The following HHAT variants were observed in gnomAD, a reference collection of about 807,000 sequenced individuals.
The protein encoded by HHAT is hedgehog acyltransferase.
HHAT carries 47 observed loss-of-function variants against 70.8 expected under a neutral mutation model. The observed-to-expected ratio is 0.66, with a 90% confidence interval of 0.53 to 0.85. HHAT has a LOEUF of 0.85. Among genes scored for constraint, HHAT ranks in the 40% least tolerant of loss-of-function variants. HHAT has a pLI of 0.00. For missense variants in HHAT, 609 were observed against 604.8 expected (o/e 1.01, Z -0.07); for synonymous variants, 228 against 247.6 (o/e 0.92, Z 0.74).
At chr1:210,582,032 A>G (rs1659382434) in intron 9 of HHAT, among the ~76,000 whole-genome samples, 1 of 152,218 alleles carries the variant, frequency 6.6e-6, no homozygotes, top group Non-Finnish European at 1.5e-5. Context: ...CTGTTCAATC[A>G]GTGGAACAGA....
intron 2 of HHAT, among the ~76,000 whole-genome samples, chr1:210,359,696 G>GT (rs2088044982): frequency 6.6e-6 from 1 of 151,946 alleles, no homozygotes; most frequent in South Asian, 2.1e-4. Flanking sequence ...TAGAAACCCC[G>GT]TCTCTACTAA....
At chr1:210,376,858 T>C (rs2090264110) in intron 3 of HHAT, among the ~76,000 whole-genome samples, 1 of 152,150 alleles carries the variant, frequency 6.6e-6, no homozygotes, top group Non-Finnish European at 1.5e-5. Context: ...AGGGTTCCCT[T>C]CTTCTTCCCC....
At position 210,624,300 on chromosome 1, in the gene HHAT, C is replaced by T. The variant is rs143631044; in HGVS notation, c.1390+630C>T. 4.4e-3 allele frequency among the ~76,000 whole-genome samples: 672 copies of T among 152,302 alleles called. 5 individuals carry two copies. The highest frequency in any genetic ancestry group is 0.015 in the African/African-American group (642 of 41,556). ...GATGCAGCCCCTTGACCTTGGACTTCTCAGCTTCCGTAACTGTAAGAAATA... is the reference window on the plus strand; with the variant it reads ...GATGCAGCCCCTTGACCTTGGACTTTTCAGCTTCCGTAACTGTAAGAAATA... On this transcript the variant is annotated intron_variant, in intron 11 of 11. Transcript: ENST00000261458.
chr1:210,613,902 C>G (rs930092590), intron 10 of HHAT, among the ~76,000 whole-genome samples: 4 of 151,348 alleles, frequency 2.6e-5, no homozygotes, highest in Non-Finnish European at 5.9e-5. Flanking sequence ...CACCTGTGGT[C>G]CCAGCTTCTT....
intron 9 of HHAT, among the ~76,000 whole-genome samples, chr1:210,515,653 G>A (rs1000419277): frequency 6.6e-6 from 1 of 151,734 alleles, no homozygotes; most frequent in African/African-American, 2.4e-5. Flanking sequence ...AGCTACTCGG[G>A]AGGCTGAGGC....
At chr1:210,408,968 C>T (rs79812329) in intron 6 of HHAT, among the ~76,000 whole-genome samples, 2 of 152,236 alleles carry the variant, frequency 1.3e-5, no homozygotes, top group East Asian at 3.9e-4. Flanking sequence ...CTCAAGTGAT[C>T]CTCCCACCTC....
chr1:210,569,942 C>CTA (rs1655825111), intron 9 of HHAT, among the ~76,000 whole-genome samples: 2 of 152,176 alleles, frequency 1.3e-5, no homozygotes, highest in Non-Finnish European at 2.9e-5. Flanking sequence ...ATCCCTATGC[C>CTA]TAGCCTATAG....
chr1:210,353,774 C>T (rs1200825887), intron 2 of HHAT, among the ~76,000 whole-genome samples: 1 of 151,968 alleles, frequency 6.6e-6, no homozygotes, highest in Non-Finnish European at 1.5e-5. Flanking sequence ...ATCTTTTCAG[C>T]ATTTGGCTTT....
At position 210,587,993 on chromosome 1, in the gene HHAT, G is replaced by A; in HGVS notation, c.1139G>A (p.Gly380Asp). The stretch of plus-strand genomic sequence containing the variant: ...TTTGCATTTGTGAGCTACTGGCATG[G>A]CGGCTACGACTACCTCTGGTGCTGG... ...MTFAFVSYWH[G>D]GYDYLWCWAA... The change falls in exon 10 of 12, where the codon GGC becomes GAC. Residue 380 changes from glycine (G) to aspartate (D), a missense_variant. Transcript: ENST00000261458. 1 of 1,614,140 alleles carries A rather than the reference G, an allele frequency of 6.2e-7. No individual in the cohort carries two copies. Among genetic ancestry groups the A allele is most frequent in the Non-Finnish European group, 8.5e-7 (1 of 1,180,012 alleles).
At chr1:210,431,126 T>C (rs1026146574) in intron 7 of HHAT, among the ~76,000 whole-genome samples, 4 of 151,908 alleles carry the variant, frequency 2.6e-5, no homozygotes, top group Admixed American at 6.5e-5. Context: ...ATCCAGAGAA[T>C]ATTTAGGTTT....
chr1:210,491,897 G>C (rs1430271014), intron 8 of HHAT, among the ~76,000 whole-genome samples: 1 of 152,076 alleles, frequency 6.6e-6, no homozygotes, highest in African/African-American at 2.4e-5. Context: ...CAAGTAGCTG[G>C]GACTATAGAT....
intron 11 of HHAT, among the ~76,000 whole-genome samples, chr1:210,633,379 T>C (rs964328106): frequency 1.5e-4 from 23 of 152,264 alleles, no homozygotes; most frequent in African/African-American, 5.3e-4. Context: ...GTCGCAGCAA[T>C]GTCACATGGT....
intron 4 of HHAT, among the ~76,000 whole-genome samples, chr1:210,394,092 G>A (rs539509046): frequency 1.5e-4 from 23 of 152,244 alleles, no homozygotes; most frequent in Non-Finnish European, 2.9e-4. Context: ...AGCAATTCTT[G>A]CTGTTGTAGC....
intron 10 of HHAT, among the ~76,000 whole-genome samples, chr1:210,593,732 T>C (rs1662287492): frequency 6.6e-6 from 1 of 152,162 alleles, no homozygotes; most frequent in Non-Finnish European, 1.5e-5. Flanking sequence ...TTTGTTGATT[T>C]TCTGTTTGGA....
intron 2 of HHAT, among the ~76,000 whole-genome samples, chr1:210,356,865 C>T (rs1300758866): frequency 6.6e-6 from 1 of 152,192 alleles, no homozygotes; most frequent in Non-Finnish European, 1.5e-5. Context: ...TGTCCTTGAA[C>T]CAGGTGTCCT....
At chr1:210,434,953 T>C (rs896484579) in intron 7 of HHAT, among the ~76,000 whole-genome samples, 6 of 151,822 alleles carry the variant, frequency 4.0e-5, no homozygotes, top group Non-Finnish European at 7.4e-5. Context: ...GAGATCTCCA[T>C]TACCTTATTT....
chr1:210,436,983 A>G (rs1558513867), intron 7 of HHAT, among the ~76,000 whole-genome samples: 1 of 151,876 alleles, frequency 6.6e-6, no homozygotes, highest in Non-Finnish European at 1.5e-5. Context: ...AGCACATCAC[A>G]GAGTTTCAGG....
chr1:210,411,423 C>T (rs1047209857), intron 6 of HHAT, among the ~76,000 whole-genome samples: 1 of 152,162 alleles, frequency 6.6e-6, no homozygotes, highest in Non-Finnish European at 1.5e-5. Flanking sequence ...CTTTTGAGGC[C>T]ATTATCACGT....
intron 9 of HHAT, among the ~76,000 whole-genome samples, chr1:210,530,154 A>G (rs888500093): frequency 6.6e-6 from 1 of 152,194 alleles, no homozygotes; most frequent in Non-Finnish European, 1.5e-5. Context: ...GCACACAAAA[A>G]TCATAGGATT....
Sources: gnomAD v4.1 joint callset for allele counts (sites outside exome capture counted in the v4.1 genomes callset) on GRCh38, gnomAD v4.1.1 for gene constraint, MANE v1.5 for transcripts, NCBI Gene and HGNC (gene_info 2026-07-23, HGNC 2026-07-21) for gene names.